Variants in KIAA1549L observed in about 807,000 individuals in gnomAD.
KIAA1549L encodes the protein KIAA1549 like.
KIAA1549L carries 88 observed loss-of-function variants against 160.7 expected under a neutral mutation model. That is an observed-to-expected ratio of 0.55 (90% CI 0.46 to 0.65). The LOEUF (loss-of-function observed/expected upper bound fraction) is 0.65. KIAA1549L is among the 30% of genes least tolerant of loss of function. The probability of loss-of-function intolerance (pLI) is 0.00; values close to 1 mark genes in which losing one functional copy is unlikely to be tolerated. For missense variants in KIAA1549L, 2,258 were observed against 2,437.5 expected, an observed-to-expected ratio of 0.93 and a Z score of 1.55; for synonymous variants, 950 against 976.7, an observed-to-expected ratio of 0.97 and a Z score of 0.51.
chr11:33,648,127 T>A (rs1182393651), intron 17 of KIAA1549L, among the ~76,000 whole-genome samples: 1 of 151,986 alleles, frequency 6.6e-6, no homozygotes, highest in Non-Finnish European at 1.5e-5. Flanking sequence ...CCCGAGTAGC[T>A]GGGACTACAG....
intron 1 of KIAA1549L, among the ~76,000 whole-genome samples, chr11:33,477,507 G>GCGCACA (rs1554981523): frequency 0.01 from 1,358 of 131,804 alleles, 21 homozygotes; most frequent in African/African-American, 0.046. Flanking sequence ...GCAGGTGCAC[G>GCGCACA]CACACACACA....
chr11:33,397,745 CACACACACA>C (rs1850412941), intron 1 of KIAA1549L, among the ~76,000 whole-genome samples: 1 of 127,570 alleles, frequency 7.8e-6, no homozygotes. Context: ...CACACACACA[CACACACACA>C]CAAAAGTGAA....
intron 1 of KIAA1549L, among the ~76,000 whole-genome samples, chr11:33,526,360 G>A (rs533201914): frequency 1.3e-5 from 2 of 152,290 alleles, no homozygotes; most frequent in East Asian, 3.9e-4. Context: ...AGCATAACCA[G>A]CATTTGAGGA....
chr11:33,601,294 C>A lies in KIAA1549L; in HGVS notation c.4879+2347C>A, dbSNP rs546031938. The stretch of plus-strand genomic sequence containing the variant: ...TAGGTTTGAACTTTTCCAGTAGAAC[C>A]AATAGAACCAACTTGTCTCATGTAA... On this transcript the variant is annotated intron_variant, in intron 13 of 20. Transcript: ENST00000658780. 1.1e-3 allele frequency among the ~76,000 whole-genome samples: 174 copies of A among 152,146 alleles called. 2 individuals are homozygous for A. Among genetic ancestry groups the A allele is most frequent in the South Asian group, 8.9e-3 (43 of 4,814 alleles).
At chr11:33,631,550 C>T (rs538073416) in intron 16 of KIAA1549L, among the ~76,000 whole-genome samples, 1 of 152,284 alleles carries the variant, frequency 6.6e-6, no homozygotes, top group Non-Finnish European at 1.5e-5. Context: ...CCAGAAGCCC[C>T]TCCCAGTTGT....
intron 16 of KIAA1549L, among the ~76,000 whole-genome samples, chr11:33,631,465 T>C (rs1461321685): frequency 6.6e-6 from 1 of 151,938 alleles, no homozygotes; most frequent in African/African-American, 2.4e-5. Flanking sequence ...CTGTAGAGTT[T>C]CTTCATATGG....
At chr11:33,394,167 A>G (rs1218435980) in intron 1 of KIAA1549L, among the ~76,000 whole-genome samples, 1 of 152,086 alleles carries the variant, frequency 6.6e-6, no homozygotes, top group Non-Finnish European at 1.5e-5. Flanking sequence ...GAGCCCTGAA[A>G]TTTGAAAGCA....
At chr11:33,635,675 T>TAAAACTGTTTCATTCATTTTAGAC (rs145261528) in intron 16 of KIAA1549L, among the ~76,000 whole-genome samples, 2 of 150,848 alleles carry the variant, frequency 1.3e-5, no homozygotes, top group African/African-American at 2.4e-5. Context: ...CCATTCTAGA[T>TAAAACTGTTTCATTCATTTTAGAC]AAAACTGTTT....
chr11:33,435,802 A>ATGTGTGTGTGTG (rs1197036690), intron 1 of KIAA1549L, among the ~76,000 whole-genome samples: 5 of 16,478 alleles, frequency 3.0e-4, no homozygotes, highest in African/African-American at 1.2e-3. Flanking sequence ...ATATATATAT[A>ATGTGTGTGTGTG]TATATATATG....
At chr11:33,385,110 T>G (rs2134038063) in intron 1 of KIAA1549L, among the ~76,000 whole-genome samples, 1 of 152,294 alleles carries the variant, frequency 6.6e-6, no homozygotes, top group South Asian at 2.1e-4. Context: ...TATTTTTACT[T>G]TTAGGTCTGT....
At chr11:33,537,695 A>G (rs925028180) in intron 1 of KIAA1549L, among the ~76,000 whole-genome samples, 3 of 152,132 alleles carry the variant, frequency 2.0e-5, no homozygotes, top group East Asian at 1.9e-4. Flanking sequence ...TCTTTTTCAC[A>G]TGTTTTAGGG....
At chr11:33,613,570 A>G (rs1850702458) in intron 15 of KIAA1549L, among the ~76,000 whole-genome samples, 1 of 152,158 alleles carries the variant, frequency 6.6e-6, no homozygotes, top group Non-Finnish European at 1.5e-5. Context: ...GAGATGCCAT[A>G]CACTCTTAAA....
intron 1 of KIAA1549L, among the ~76,000 whole-genome samples, chr11:33,513,378 G>A (rs1171321110): frequency 6.6e-6 from 1 of 152,140 alleles, no homozygotes; most frequent in Admixed American, 6.5e-5. Flanking sequence ...CTGGTTGCTA[G>A]TGACACTCAT....
At chr11:33,400,521 C>T (rs538488114) in intron 1 of KIAA1549L, among the ~76,000 whole-genome samples, 57 of 152,212 alleles carry the variant, frequency 3.7e-4, no homozygotes, top group Admixed American at 6.5e-4. Context: ...CTTGTGGGAA[C>T]TTCTGAGTCA....
At chr11:33,441,803 G>A (rs1287732023) in intron 1 of KIAA1549L, among the ~76,000 whole-genome samples, 2 of 152,114 alleles carry the variant, frequency 1.3e-5, no homozygotes, top group African/African-American at 4.8e-5. Context: ...TGAGTTCATT[G>A]TAGATTCTGG....
chr11:33,551,983 CTTA>C (rs1854478348), intron 5 of KIAA1549L, 122 bp from the exon 6 acceptor site: 2 of 1,054,010 alleles, frequency 1.9e-6, no homozygotes, highest in East Asian at 2.6e-5. Context: ...CTTGTCTGGC[CTTA>C]TTATTTATTT....
chr11:33,595,556 A>G (rs1850176471), intron 12 of KIAA1549L, among the ~76,000 whole-genome samples: 1 of 152,206 alleles, frequency 6.6e-6, no homozygotes, highest in Non-Finnish European at 1.5e-5. Flanking sequence ...ATAAAAATAT[A>G]ATTTTACTAA....
chr11:33,424,993 G>T (rs1255119106), intron 1 of KIAA1549L, among the ~76,000 whole-genome samples: 1 of 152,180 alleles, frequency 6.6e-6, no homozygotes, highest in Non-Finnish European at 1.5e-5. Context: ...CCAGCACTTA[G>T]AATAGAAAGT....
chr11:33,459,030 T>C (rs1252193411), intron 1 of KIAA1549L, among the ~76,000 whole-genome samples: 1 of 152,264 alleles, frequency 6.6e-6, no homozygotes, highest in Non-Finnish European at 1.5e-5. Context: ...CTGCTTTTTA[T>C]AATCCTAAAT....
Sources: gnomAD v4.1 joint callset for allele counts (sites outside exome capture counted in the v4.1 genomes callset) on GRCh38, gnomAD v4.1.1 for gene constraint, MANE v1.5 for transcripts, NCBI Gene and HGNC (gene_info 2026-07-23, HGNC 2026-07-21) for gene names.